The following PPFIA2 variants were observed in gnomAD, a reference collection of about 807,000 sequenced individuals.
PPFIA2 encodes PPFI scaffold protein A2, also known as liprin-alpha-2.
Under a neutral mutation model 175.5 loss-of-function variants are expected in PPFIA2, and 46 were observed. The ratio of observed to expected loss-of-function variants is 0.26; its 90% confidence interval spans 0.21 to 0.34. The LOEUF (loss-of-function observed/expected upper bound fraction) is 0.34, where lower values mean the gene tolerates loss of function less well. Ranked by LOEUF, PPFIA2 falls within the 10% of genes least tolerant of loss-of-function variation. The probability of loss-of-function intolerance (pLI) is 1.00; values close to 1 mark genes in which losing one functional copy is unlikely to be tolerated. For missense variants in PPFIA2, 1,179 were observed against 1,506.1 expected (o/e 0.78, Z 3.60); for synonymous variants, 568 against 511.4 (o/e 1.11, Z -1.49).
intron 4 of PPFIA2, among the ~76,000 whole-genome samples, chr12:81,486,962 C>T (rs574275011): frequency 6.6e-6 from 1 of 151,958 alleles, no homozygotes; most frequent in African/African-American, 2.4e-5. Flanking sequence ...CCATATAAAG[C>T]CTTGGTACCA....
At chr12:81,665,822 C>T (rs539078704) in intron 4 of PPFIA2, among the ~76,000 whole-genome samples, 2 of 151,850 alleles carry the variant, frequency 1.3e-5, no homozygotes, top group African/African-American at 4.8e-5. Context: ...TCAGAGTGAA[C>T]AGGCAACCTA....
chr12:81,451,175 A>T (rs931561774), intron 5 of PPFIA2, among the ~76,000 whole-genome samples: 1 of 152,116 alleles, frequency 6.6e-6, no homozygotes, highest in Non-Finnish European at 1.5e-5. Context: ...GTGAATATAT[A>T]TATATAATGT....
chr12:81,390,773 T>TCAAAAC (rs1293807427), intron 8 of PPFIA2, among the ~76,000 whole-genome samples: 1 of 151,868 alleles, frequency 6.6e-6, no homozygotes, highest in Non-Finnish European at 1.5e-5. Flanking sequence ...ATTTCAAATG[T>TCAAAAC]TTTTAATTTT....
At chr12:81,267,154 T>G (rs2037488556) in intron 29 of PPFIA2, 134 bp from the exon 30 acceptor site, 1 of 687,950 alleles carries the variant, frequency 1.5e-6, no homozygotes, top group Non-Finnish European at 2.5e-6. Context: ...GCCCTCCATG[T>G]CTGTTATTAG....
intron 4 of PPFIA2, among the ~76,000 whole-genome samples, chr12:81,659,576 C>A (rs1219523026): frequency 1.3e-5 from 2 of 152,146 alleles, no homozygotes; most frequent in Non-Finnish European, 2.9e-5. Context: ...CTGGGTGGAG[C>A]CCACTGCAGC....
chr12:81,323,051 T>C (rs1349446775), intron 22 of PPFIA2, among the ~76,000 whole-genome samples: 7 of 152,170 alleles, frequency 4.6e-5, no homozygotes, highest in African/African-American at 7.2e-5. Flanking sequence ...TTCTGAACTT[T>C]GCAAAAATTT....
chr12:81,383,934 A>T, intron 9 of PPFIA2, 89 bp downstream of exon 9: 1 of 1,052,026 alleles, frequency 9.5e-7, no homozygotes. Context: ...AGAAGTAAAA[A>T]GTGTATGGTC....
intron 4 of PPFIA2, among the ~76,000 whole-genome samples, chr12:81,525,021 T>C (rs2063576503): frequency 6.6e-6 from 1 of 151,950 alleles, no homozygotes; most frequent in African/African-American, 2.4e-5. Flanking sequence ...AATTTGAGGG[T>C]GCCTTGATCT....
chr12:81,442,077 C>T (rs1478999127), intron 6 of PPFIA2, among the ~76,000 whole-genome samples: 1 of 151,840 alleles, frequency 6.6e-6, no homozygotes, highest in Admixed American at 6.6e-5. Flanking sequence ...CTATTTACTA[C>T]AAGTTAAGCA....
chr12:81,576,126 G>A (rs1018582574), intron 4 of PPFIA2, among the ~76,000 whole-genome samples: 3 of 151,504 alleles, frequency 2.0e-5, no homozygotes, highest in African/African-American at 7.3e-5. Flanking sequence ...TACAATTGAA[G>A]GGAAGCTGGT....
At chr12:81,744,923 C>T (rs942519851) in intron 3 of PPFIA2, among the ~76,000 whole-genome samples, 10 of 152,154 alleles carry the variant, frequency 6.6e-5, no homozygotes, top group Admixed American at 2.0e-4. Context: ...CTCTCTGTTC[C>T]TTAGTTTTAT....
Position 81,263,506 on chromosome 12 carries a change from A to C in PPFIA2, c.3556-116T>G, listed in dbSNP as rs2036280020. The C allele has an allele frequency of 1.5e-5, 13 of 861,576 alleles. No individual in the cohort carries two copies. In the South Asian group the frequency reaches 3.1e-4, roughly 20 times the overall value. 53.4% of individuals were successfully genotyped at this position (861,576 alleles called of 1,614,324 possible). On this transcript the variant is annotated intron_variant, in intron 30 of 32. Transcript: ENST00000549396. ...TATTTACATTTAGTCTGTCAAGTAT[A>C]CGTATGGAATCACGCTTTATCAAGA...
intron 4 of PPFIA2, among the ~76,000 whole-genome samples, chr12:81,674,375 T>G (rs1458338621): frequency 6.6e-6 from 1 of 152,070 alleles, no homozygotes; most frequent in East Asian, 1.9e-4. Flanking sequence ...CAATAGTATT[T>G]TGATGATCTA....
intron 4 of PPFIA2, among the ~76,000 whole-genome samples, chr12:81,560,152 A>G (rs551027176): frequency 2.6e-5 from 4 of 152,288 alleles, no homozygotes; most frequent in African/African-American, 9.6e-5. Context: ...CAAATGGTAC[A>G]GATACTAGAG....
At chr12:81,381,738 T>A (rs1357394411) in intron 9 of PPFIA2, among the ~76,000 whole-genome samples, 3 of 152,178 alleles carry the variant, frequency 2.0e-5, no homozygotes. Flanking sequence ...TAAAAAGTTG[T>A]ATCATTATCT....
intron 21 of PPFIA2, among the ~76,000 whole-genome samples, chr12:81,335,144 C>A (rs2056893409): frequency 6.6e-6 from 1 of 152,036 alleles, no homozygotes; most frequent in African/African-American, 2.4e-5. Flanking sequence ...ACATTAAATG[C>A]AGGGTAAAGA....
intron 6 of PPFIA2, among the ~76,000 whole-genome samples, chr12:81,444,611 A>T (rs2050875387): frequency 6.6e-6 from 1 of 152,150 alleles, no homozygotes. Flanking sequence ...AATTATAGTT[A>T]TCCTTACATA....
At chr12:81,343,647 T>C (rs2058549046) in intron 19 of PPFIA2, among the ~76,000 whole-genome samples, 2 of 152,078 alleles carry the variant, frequency 1.3e-5, no homozygotes, top group African/African-American at 4.8e-5. Context: ...GAAGTTTGAA[T>C]CTTTGAAATC....
intron 17 of PPFIA2, among the ~76,000 whole-genome samples, chr12:81,351,644 T>A (rs1291189189): frequency 6.6e-6 from 1 of 151,348 alleles, no homozygotes; most frequent in Non-Finnish European, 1.5e-5. Context: ...ACACTTGTAA[T>A]TTCAGTATTT....
Sources: allele counts gnomAD v4.1 joint callset (sites outside exome capture counted in the v4.1 genomes callset), GRCh38; gene constraint gnomAD v4.1.1; transcripts MANE v1.5; gene names NCBI Gene and HGNC (gene_info 2026-07-23, HGNC 2026-07-21).